Variants in ADGRV1 observed in about 807,000 individuals in gnomAD.
ADGRV1 encodes adhesion G protein-coupled receptor V1, also known as G-protein coupled receptor 98.
Under a neutral mutation model 596.2 loss-of-function variants are expected in ADGRV1, and 359 were observed. That is an observed-to-expected ratio of 0.60 (90% CI 0.55 to 0.66). ADGRV1 has a LOEUF of 0.66. Ranked by LOEUF, ADGRV1 falls within the 30% of genes least tolerant of loss-of-function variation. The pLI, the probability that ADGRV1 is intolerant of heterozygous loss-of-function variation, is 0.00. For synonymous variants in ADGRV1, 2,681 were observed against 2,679.2 expected, an observed-to-expected ratio of 1.00 and a Z score of -0.02; for missense variants, 7,274 against 7,575.6, an observed-to-expected ratio of 0.96 and a Z score of 1.48.
In ADGRV1 at chr5:90,729,753, C is replaced by T; in HGVS notation, c.10538C>T (p.Ala3513Val). The T allele has an allele frequency of 6.2e-7, 1 of 1,613,408 alleles. No individual in the cohort carries two copies. ...AACAGAATCCACTCCTTCACACCAG[C>T]CTCAGGAATAGGTAAGGACTTTTCA... The part of the protein sequence containing the change: ...AVNRIHSFTP[A>V]SGIAHILLIG... The change falls in exon 50 of 90, where the codon GCC becomes GTC. Residue 3513 changes from alanine (A) to valine (V), a missense_variant. Ala to Val is a moderately conservative substitution (Grantham distance 64). Coordinates refer to ENST00000405460, the MANE Select transcript of ADGRV1 (RefSeq NM_032119.4).
intron 1 of ADGRV1, among the ~76,000 whole-genome samples, chr5:90,598,995 A>T (rs749717959): frequency 3.9e-5 from 6 of 152,000 alleles, no homozygotes; most frequent in Non-Finnish European, 5.9e-5. Context: ...AAACAAAAAA[A>T]CCCACCAAAT....
intron 39 of ADGRV1, among the ~76,000 whole-genome samples, chr5:90,710,497 A>G (rs1395197926): frequency 6.6e-6 from 1 of 151,896 alleles, no homozygotes; most frequent in Non-Finnish European, 1.5e-5. Context: ...CATCTTTCCC[A>G]TGTGTCTCTA....
At chr5:91,006,471 CCT>C (rs1343190286) in intron 85 of ADGRV1, among the ~76,000 whole-genome samples, 11 of 152,028 alleles carry the variant, frequency 7.2e-5, no homozygotes, top group East Asian at 1.9e-4. Context: ...GTCAGACATA[CCT>C]CTCTAATTTT....
At chr5:90,860,462 G>A (rs1349939769) in intron 82 of ADGRV1, among the ~76,000 whole-genome samples, 2 of 151,874 alleles carry the variant, frequency 1.3e-5, no homozygotes, top group African/African-American at 4.8e-5. Flanking sequence ...CACCATGCCC[G>A]GCTAATATTG....
intron 59 of ADGRV1, among the ~76,000 whole-genome samples, chr5:90,768,824 AG>A (rs1182894270): frequency 6.6e-6 from 1 of 152,162 alleles, no homozygotes; most frequent in Non-Finnish European, 1.5e-5. Context: ...TATGAGGTGG[AG>A]ATTCGTGTCC....
intron 85 of ADGRV1, among the ~76,000 whole-genome samples, chr5:91,011,757 G>GA (rs79702880): frequency 4.0e-5 from 6 of 150,696 alleles, no homozygotes; most frequent in Admixed American, 3.3e-4. Context: ...GGCCAGGGGG[G>GA]AAAAAAAAAA....
At position 90,776,518 on chromosome 5, in the gene ADGRV1, T is replaced by C. The variant is rs762859379; in HGVS notation, c.12469T>C (p.Ser4157Pro). 1.9e-6 allele frequency: 3 copies of C among 1,613,198 alleles called. No individual in the cohort carries two copies. Among genetic ancestry groups the C allele is most frequent in the Non-Finnish European group, 1.7e-6 (2 of 1,179,436 alleles). The change falls in exon 61 of 90, where the codon TCT (serine) becomes CCT (proline). Residue 4157 changes from serine (S) to proline (P), a missense_variant. Ser to Pro is a moderately conservative substitution (Grantham distance 74). This residue lies in a region of ADGRV1 where 3,643 missense variants were observed against 3,809.2 expected (regional missense o/e 0.96). Transcript: ENST00000405460. ...ASGEVGIAPS[S>P]RHILIGEPSA... ...AGGAGAAGTTGGGATAGCTCCGTCA[T>C]CTAGGCACATCCTCATTGGGGAACC...
At position 90,729,596 on chromosome 5, in the gene ADGRV1, T is replaced by C. The variant is rs116061730; in HGVS notation, c.10427-46T>C. The C allele has an allele frequency of 7.3e-4, 1,067 of 1,455,608 alleles. 4 individuals are homozygous for C. In the African/African-American group the frequency reaches 0.014, roughly 19 times the overall value. 90.2% of individuals were successfully genotyped at this position (1,455,608 alleles called of 1,614,324 possible). On this transcript the variant is annotated intron_variant, in intron 49 of 89. Coordinates refer to ENST00000405460, the MANE Select transcript of ADGRV1 (RefSeq NM_032119.4). Reference sequence around the variant, plus strand: ...TTATTATGTAATTTTGTCATTTTTTTCTGTAACTTTTGCATTAAGATTTGA... The same window carrying C: ...TTATTATGTAATTTTGTCATTTTTTCCTGTAACTTTTGCATTAAGATTTGA...
chr5:90,822,340 G>A (rs1049366715), intron 75 of ADGRV1, among the ~76,000 whole-genome samples: 14 of 152,308 alleles, frequency 9.2e-5, no homozygotes, highest in African/African-American at 3.4e-4. Context: ...AGATGAACCT[G>A]GTACCTCAGA....
intron 83 of ADGRV1, among the ~76,000 whole-genome samples, chr5:90,926,716 T>G (rs1309191320): frequency 6.7e-6 from 1 of 149,826 alleles, no homozygotes; most frequent in Non-Finnish European, 1.5e-5. Context: ...GTTCTTTTAA[T>G]TGTGATGTTA....
intron 83 of ADGRV1, among the ~76,000 whole-genome samples, chr5:90,904,275 C>A (rs535228235): frequency 1.6e-4 from 25 of 152,176 alleles, no homozygotes; most frequent in African/African-American, 5.5e-4. Flanking sequence ...TGGGTATATA[C>A]CCAGCAGGGG....
intron 87 of ADGRV1, among the ~76,000 whole-genome samples, chr5:91,124,732 A>G (rs1793602785): frequency 6.6e-6 from 1 of 152,212 alleles, no homozygotes; most frequent in South Asian, 2.1e-4. Context: ...AAACTTGGGT[A>G]TTTTAGTTAC....
At chr5:90,796,386 A>C (rs1425143798) in intron 70 of ADGRV1, among the ~76,000 whole-genome samples, 1 of 152,128 alleles carries the variant, frequency 6.6e-6, no homozygotes, top group Non-Finnish European at 1.5e-5. Flanking sequence ...GATAGATTGA[A>C]GATCAGCTTA....
chr5:91,111,836 G>A (rs1008681252), intron 87 of ADGRV1, among the ~76,000 whole-genome samples: 1 of 152,108 alleles, frequency 6.6e-6, no homozygotes. Flanking sequence ...CACTACATTT[G>A]TTTTCTAGAG....
At chr5:90,667,962 C>T (rs1561490225) in intron 21 of ADGRV1, among the ~76,000 whole-genome samples, 1 of 151,784 alleles carries the variant, frequency 6.6e-6, no homozygotes, top group African/African-American at 2.4e-5. Flanking sequence ...AGGCAGTCTG[C>T]CCGTTCTCAG....
chr5:91,143,914 G>A (rs1452601562), intron 87 of ADGRV1, among the ~76,000 whole-genome samples: 1 of 152,180 alleles, frequency 6.6e-6, no homozygotes, highest in Admixed American at 6.5e-5. Context: ...AAGTCTGGAG[G>A]GGGTCAAGGC....
At position 90,764,997 on chromosome 5, in the gene ADGRV1, A is replaced by AG. The variant is rs141524676; in HGVS notation, c.12285+1532dup. 6.1e-3 allele frequency among the ~76,000 whole-genome samples: 928 copies of AG among 152,204 alleles called. 6 individuals carry two copies. The highest frequency in any genetic ancestry group is 0.021 in the African/African-American group (859 of 41,534). The stretch of plus-strand genomic sequence containing the variant: ...CAGTCAGGAGATTGTCAGAGGAGTG[A>AG]GGGGAGGAGAGAAGCACTCCCACCT... On this transcript the variant is annotated intron_variant, in intron 59 of 89. Transcript: ENST00000405460.
Position 90,776,472 on chromosome 5 carries a change from T to C in ADGRV1, c.12423T>C (p.Ile4141=). The change falls in exon 61 of 90, where the codon ATT becomes ATC. Residue 4141 remains isoleucine, a synonymous_variant. Coordinates refer to ENST00000405460, the MANE Select transcript of ADGRV1 (RefSeq NM_032119.4). ...SPVKGSASII[I]RGDKRASGEV... ...ATTTAGGTAGTGCATCAATAATTAT[T>C]CGGGGTGATAAGCGAGCATCAGGAG... 1 of 1,612,762 alleles carries C rather than the reference T, an allele frequency of 6.2e-7. No homozygotes were observed. Among genetic ancestry groups the C allele is most frequent in the Non-Finnish European group, 8.5e-7 (1 of 1,179,210 alleles).
intron 85 of ADGRV1, among the ~76,000 whole-genome samples, chr5:91,054,809 C>G (rs141170539): frequency 6.6e-6 from 1 of 152,148 alleles, no homozygotes; most frequent in Non-Finnish European, 1.5e-5. Flanking sequence ...TACAAACATT[C>G]AAACCACTGC....
Sources: gnomAD v4.1 joint callset for allele counts (sites outside exome capture counted in the v4.1 genomes callset) on GRCh38, gnomAD v4.1.1 for gene constraint, gnomAD v4.1.1 regional missense constraint, MANE v1.5 for transcripts, NCBI Gene and HGNC (gene_info 2026-07-23, HGNC 2026-07-21) for gene names.